NECAB1: variants seen among roughly 807,000 people sequenced by gnomAD.
NECAB1 encodes the protein N-terminal EF-hand calcium binding protein 1.
A neutral mutation model predicts 57.5 loss-of-function variants in NECAB1; 29 were observed. The ratio of observed to expected loss-of-function variants is 0.50; its 90% CI spans 0.38 to 0.69. The LOEUF (loss-of-function observed/expected upper bound fraction) is 0.69, where lower values mean the gene tolerates loss of function less well. Ranked by LOEUF, NECAB1 falls within the 30% of genes least tolerant of loss-of-function variation. The pLI is 0.00. For synonymous variants in NECAB1, 142 were observed against 147.7 expected, an observed-to-expected ratio of 0.96 and a Z score of 0.28; for missense variants, 372 against 413.8, an observed-to-expected ratio of 0.90 and a Z score of 0.88.
intron 2 of NECAB1, among the ~76,000 whole-genome samples, chr8:90,808,367 G>C (rs921198729): frequency 2.0e-5 from 3 of 152,092 alleles, no homozygotes; most frequent in African/African-American, 7.2e-5. Context: ...GCTCCATCTA[G>C]ATCCCAGAGA....
intron 10 of NECAB1, among the ~76,000 whole-genome samples, chr8:90,943,900 T>TG (rs1335711561): frequency 1.3e-5 from 2 of 152,114 alleles, no homozygotes; most frequent in Non-Finnish European, 2.9e-5. Flanking sequence ...CACAGGCACA[T>TG]GCCACCATAT....
intron 8 of NECAB1, among the ~76,000 whole-genome samples, chr8:90,932,662 C>T (rs763971398): frequency 6.6e-5 from 10 of 152,170 alleles, no homozygotes; most frequent in East Asian, 1.9e-4. Context: ...AATACCTTGC[C>T]GAAAGTTCCA....
chr8:90,917,440 T>C (rs1039656931), intron 5 of NECAB1, 52 bp from the exon 6 acceptor site: 27 of 1,507,836 alleles, frequency 1.8e-5, no homozygotes, highest in Non-Finnish European at 2.3e-5. Context: ...AAAAAAATCC[T>C]GGGTATTTTT....
chr8:90,865,141 G>A (rs1411921538), intron 3 of NECAB1, among the ~76,000 whole-genome samples: 1 of 152,062 alleles, frequency 6.6e-6, no homozygotes, highest in African/African-American at 2.4e-5. Flanking sequence ...AGTAGCAGGT[G>A]GTAGAAGACA....
rs1024523680 is a variant in NECAB1 at position 90,951,299 on chromosome 8, T to C, written c.1030+95T>C. 18 of 654,684 alleles carry C rather than the reference T, an allele frequency of 2.7e-5. No homozygotes were observed. The African/African-American group carries it at 3.5e-4, about 13-fold the overall frequency. The allele number at this position is 654,684 out of a possible 1,614,324, so 40.6% of individuals were successfully genotyped here. A position where few individuals can be genotyped will look rare whatever the true frequency, so the allele number is the denominator to read the frequency against. ...GTATGCTCTTTCCTTCTATATTTTATCAATGGTACTCTCTTATTTATTTCT... is the reference window on the plus strand; with the variant it reads ...GTATGCTCTTTCCTTCTATATTTTACCAATGGTACTCTCTTATTTATTTCT... On this transcript the variant is annotated intron_variant, in intron 12 of 12. Transcript: ENST00000417640.
At chr8:90,925,492 G>A in intron 6 of NECAB1, 43 bp from the exon 7 acceptor site, 1 of 1,598,880 alleles carries the variant, frequency 6.3e-7, no homozygotes, top group South Asian at 1.1e-5. Flanking sequence ...GGAAGAGACT[G>A]AAGCACTAAC....
At chr8:90,871,244 T>G (rs1247295832) in intron 3 of NECAB1, among the ~76,000 whole-genome samples, 1 of 152,196 alleles carries the variant, frequency 6.6e-6, no homozygotes, top group Non-Finnish European at 1.5e-5. Flanking sequence ...CTATTTCTAT[T>G]TCATTTAAAC....
intron 5 of NECAB1, among the ~76,000 whole-genome samples, chr8:90,894,254 T>C (rs991402812): frequency 3.3e-5 from 5 of 152,218 alleles, no homozygotes; most frequent in African/African-American, 1.2e-4. Flanking sequence ...CCTTAATATA[T>C]AAGGAAATAC....
At chr8:90,883,973 T>G (rs1808909406) in intron 5 of NECAB1, among the ~76,000 whole-genome samples, 2 of 152,198 alleles carry the variant, frequency 1.3e-5, no homozygotes, top group Non-Finnish European at 2.9e-5. Flanking sequence ...CGTGCTATGT[T>G]ATATAAACAC....
At chr8:90,828,021 C>T (rs1812250437) in intron 3 of NECAB1, among the ~76,000 whole-genome samples, 1 of 151,916 alleles carries the variant, frequency 6.6e-6, no homozygotes, top group Admixed American at 6.6e-5. Context: ...ATTCCCAAAT[C>T]TAACTCTACT....
intron 6 of NECAB1, among the ~76,000 whole-genome samples, chr8:90,920,739 A>G (rs983469894): frequency 5.9e-5 from 9 of 152,066 alleles, no homozygotes; most frequent in African/African-American, 2.2e-4. Flanking sequence ...AGTGCCCTCT[A>G]TTTATATCTA....
intron 6 of NECAB1, among the ~76,000 whole-genome samples, chr8:90,922,247 A>G (rs1370840367): frequency 6.6e-6 from 1 of 152,230 alleles, no homozygotes; most frequent in Non-Finnish European, 1.5e-5. Context: ...AATGGAATCC[A>G]CAAGTTTGCT....
At chr8:90,931,242 CT>C (rs1450640497) in intron 8 of NECAB1, among the ~76,000 whole-genome samples, 1 of 152,178 alleles carries the variant, frequency 6.6e-6, no homozygotes, top group Admixed American at 6.5e-5. Context: ...TCTTCTACAA[CT>C]TATTCTGTAC....
intron 3 of NECAB1, among the ~76,000 whole-genome samples, chr8:90,854,412 C>A (rs1410886474): frequency 6.6e-6 from 1 of 152,160 alleles, no homozygotes; most frequent in Non-Finnish European, 1.5e-5. Context: ...TTTAGAACAA[C>A]ATTTTAAGCC....
intron 9 of NECAB1, among the ~76,000 whole-genome samples, chr8:90,936,618 G>A (rs550102408): frequency 1.3e-5 from 2 of 152,212 alleles, no homozygotes; most frequent in African/African-American, 2.4e-5. Flanking sequence ...CTTTGCTAGC[G>A]AGGTTGTGGA....
chr8:90,946,987 T>G (rs1262656334), intron 10 of NECAB1, among the ~76,000 whole-genome samples: 2 of 152,198 alleles, frequency 1.3e-5, no homozygotes, highest in African/African-American at 4.8e-5. Context: ...TGTAGCCACA[T>G]GACCCCCAAA....
At chr8:90,946,894 G>A (rs746753092) in intron 10 of NECAB1, among the ~76,000 whole-genome samples, 17 of 152,200 alleles carry the variant, frequency 1.1e-4, no homozygotes, top group Non-Finnish European at 2.2e-4. Context: ...AACACTGAGT[G>A]GTACATTGGG....
chr8:90,825,339 G>A (rs1812207772), intron 3 of NECAB1, among the ~76,000 whole-genome samples: 1 of 151,724 alleles, frequency 6.6e-6, no homozygotes, highest in South Asian at 2.1e-4. Flanking sequence ...TACTTATTTT[G>A]CCTATATAGA....
Position 90,880,958 on chromosome 8 carries a change from ATAAT to A in NECAB1, c.260-72_260-69del, listed in dbSNP as rs1201835339. 3 of 1,071,212 alleles carry A rather than the reference ATAAT, an allele frequency of 2.8e-6. No individual in the cohort carries two copies. In the African/African-American group the frequency reaches 4.8e-5, roughly 17 times the overall value. The allele number at this position is 1,071,212 out of a possible 1,614,324, so 66.4% of individuals were successfully genotyped here. On this transcript the variant is annotated intron_variant, in intron 4 of 12. Transcript: ENST00000417640. Reference sequence around the variant, plus strand: ...TTTGTTTTACTCATTTAAGGAGTAAATAATTAGTTGATTTTTTTGTTTTATGGTT... The same window carrying A: ...TTTGTTTTACTCATTTAAGGAGTAAATAGTTGATTTTTTTGTTTTATGGTT...
Sources: gnomAD v4.1 joint callset for allele counts (sites outside exome capture counted in the v4.1 genomes callset) on GRCh38, gnomAD v4.1.1 for gene constraint, MANE v1.5 for transcripts, NCBI Gene and HGNC (gene_info 2026-07-23, HGNC 2026-07-21) for gene names.